Variants in TMEM266 observed in about 807,000 individuals in gnomAD.
TMEM266 encodes transmembrane protein 266, also known as Hv1 related protein 1.
In TMEM266, 33 loss-of-function variants were observed where a neutral mutation model predicts 50.5. The ratio of observed to expected loss-of-function variants is 0.65; its 90% CI spans 0.50 to 0.87. TMEM266 has a LOEUF of 0.87. Among genes scored for constraint, TMEM266 ranks in the 40% least tolerant of loss-of-function variants. TMEM266 has a pLI of 0.00. For missense variants in TMEM266, 655 were observed against 695.1 expected (o/e 0.94, Z 0.65); for synonymous variants, 310 against 292.3 (o/e 1.06, Z -0.62).
rs2038021792 is a variant in TMEM266 at position 76,161,770 on chromosome 15, C to T, written c.456+1602C>T. On this transcript the variant is annotated intron_variant, in intron 5 of 10. Coordinates refer to ENST00000388942, the MANE Select transcript of TMEM266 (RefSeq NM_152335.3). This position sits in a 1 kb window ranked among gnomAD's most constrained non-coding sequence, Gnocchi z 4.1. ...AGCAGAGTGCCTGCTCCCCAGCTTA[C>T]AGCCCCCATGTGGGTCTTGCCCTCC... Among the ~76,000 whole-genome samples the T allele has an allele frequency of 6.6e-6, 1 of 152,324 alleles. No individual in the cohort carries two copies. The highest frequency in any genetic ancestry group is 2.4e-5 in the African/African-American group (1 of 41,578).
intron 1 of TMEM266, among the ~76,000 whole-genome samples, chr15:76,107,927 G>C (rs2037109072): frequency 6.6e-6 from 1 of 152,178 alleles, no homozygotes; most frequent in African/African-American, 2.4e-5. Context: ...TTTGCTTTGG[G>C]GGGAACATTT....
At position 76,194,715 on chromosome 15, in the gene TMEM266, AC is replaced by A. The variant is rs528401269; in HGVS notation, c.958+2561del. 1.0e-3 allele frequency among the ~76,000 whole-genome samples: 159 copies of A among 152,082 alleles called. 1 individual carries two copies. Among genetic ancestry groups the A allele is most frequent in the Admixed American group, 0.01 (155 of 15,262 alleles). On this transcript the variant is annotated intron_variant, in intron 9 of 10. Coordinates refer to ENST00000388942, the MANE Select transcript of TMEM266 (RefSeq NM_152335.3). ...GGCATCCATGGCTTACAGTAGCATC[AC>A]CCTGCTCTGCCTTCATCTGCACATG...
intron 3 of TMEM266, among the ~76,000 whole-genome samples, 181 bp from the exon 4 acceptor site, chr15:76,156,423 C>T (rs2037926896): frequency 6.6e-6 from 1 of 152,174 alleles, no homozygotes; most frequent in South Asian, 2.1e-4. Context: ...GAGATATTTT[C>T]ACCCTTTATG....
chr15:76,140,749 C>T (rs959358705), intron 3 of TMEM266, among the ~76,000 whole-genome samples: 11 of 151,822 alleles, frequency 7.2e-5, no homozygotes, highest in Admixed American at 3.9e-4. Flanking sequence ...GTGACAGAGA[C>T]GGGGGCGGGG....
intron 1 of TMEM266, among the ~76,000 whole-genome samples, chr15:76,069,920 C>T (rs2036510773): frequency 6.6e-6 from 1 of 151,990 alleles, no homozygotes; most frequent in Non-Finnish European, 1.5e-5. Flanking sequence ...ATTCTCAGCT[C>T]AACTTTTATT....
chr15:76,180,548 G>A (rs1032388416), intron 8 of TMEM266, among the ~76,000 whole-genome samples: 1 of 151,736 alleles, frequency 6.6e-6, no homozygotes, highest in African/African-American at 2.4e-5. Flanking sequence ...TCACCCGGCT[G>A]GGGCAGCGTG....
intron 4 of TMEM266, among the ~76,000 whole-genome samples, chr15:76,159,073 G>A (rs936022183): frequency 3.9e-5 from 6 of 152,190 alleles, no homozygotes; most frequent in Admixed American, 2.0e-4. Flanking sequence ...GCTCACGAAG[G>A]AGGTAGAGCA....
At chr15:76,155,724 C>G (rs2037914531) in intron 3 of TMEM266, among the ~76,000 whole-genome samples, 1 of 152,184 alleles carries the variant, frequency 6.6e-6, no homozygotes, top group Non-Finnish European at 1.5e-5. Flanking sequence ...ACCATGGAAA[C>G]TTTTGCATCA....
intron 8 of TMEM266, among the ~76,000 whole-genome samples, chr15:76,188,781 C>A (rs1174834742): frequency 6.6e-6 from 1 of 152,180 alleles, no homozygotes; most frequent in Non-Finnish European, 1.5e-5. Flanking sequence ...GGGACACAGC[C>A]AAACCATATC....
At chr15:76,145,817 C>A (rs1281531505) in intron 3 of TMEM266, among the ~76,000 whole-genome samples, 1 of 152,234 alleles carries the variant, frequency 6.6e-6, no homozygotes, top group East Asian at 1.9e-4. Flanking sequence ...CATTCCAATG[C>A]AGTTGGACCA....
At chr15:76,090,439 C>T (rs2036832857) in intron 1 of TMEM266, among the ~76,000 whole-genome samples, 1 of 143,896 alleles carries the variant, frequency 6.9e-6, no homozygotes, top group Non-Finnish European at 1.5e-5. Flanking sequence ...TTGCCGTGAG[C>T]CAAGATCACA....
chr15:76,153,257 C>T lies in TMEM266; in HGVS notation c.228-3347C>T, dbSNP rs2037871418. Among the ~76,000 whole-genome samples, 1 of 152,198 alleles carries T rather than the reference C, an allele frequency of 6.6e-6. No individual in the cohort carries two copies. Among genetic ancestry groups the T allele is most frequent in the Non-Finnish European group, 1.5e-5 (1 of 68,042 alleles). ...GGGAACTGAATATATGGAACTAGTG[C>T]TCCTGAATACAATGCTTCGTTTCAT... is the stretch of plus-strand genomic sequence containing the variant. On this transcript the variant is annotated intron_variant, in intron 3 of 10. Transcript: ENST00000388942. This position sits in a 1 kb window ranked among gnomAD's most constrained non-coding sequence, Gnocchi z 4.2.
Position 76,156,685 on chromosome 15 carries a change from C to A in TMEM266, c.309C>A (p.Phe103Leu). 6.2e-7 allele frequency: 1 copy of A among 1,614,168 alleles called. No homozygotes were observed. Among genetic ancestry groups the A allele is most frequent in the Non-Finnish European group, 8.5e-7 (1 of 1,179,988 alleles). Residue 103 changes from phenylalanine (F) to leucine (L), a missense_variant, in exon 4 of 11, where the codon TTC becomes TTA. Phe to Leu is a conservative substitution (Grantham distance 22). This residue lies in a region of TMEM266 where 101 missense variants were observed against 182.6 expected (regional missense o/e 0.55). Coordinates refer to ENST00000388942, the MANE Select transcript of TMEM266 (RefSeq NM_152335.3). Reference sequence around the variant, plus strand: ...TGCTCAGTGCAAGTCTCAACAGTTTCCTGGTAGCCTGTGTAATATTGGTGG... The same window carrying A: ...TGCTCAGTGCAAGTCTCAACAGTTTACTGGTAGCCTGTGTAATATTGGTGG...
At position 76,168,167 on chromosome 15, in the gene TMEM266, C is replaced by A. The variant is rs1240150804; in HGVS notation, c.457-1649C>A. 1.3e-5 allele frequency among the ~76,000 whole-genome samples: 2 copies of A among 152,170 alleles called. No individual in the cohort carries two copies. Among genetic ancestry groups the A allele is most frequent in the East Asian group, 1.9e-4 (1 of 5,186 alleles). Reference sequence around the variant, plus strand: ...GCCACCCCACCCAGATCTCTCCCCACCCCTGCAAGCTGTCTCGCAGTTAAG... The same window carrying A: ...GCCACCCCACCCAGATCTCTCCCCAACCCTGCAAGCTGTCTCGCAGTTAAG... On this transcript the variant is annotated intron_variant, in intron 5 of 10. Transcript: ENST00000388942. The surrounding 1 kb of genome is among the most constrained non-coding windows in gnomAD (Gnocchi z 4.4).
intron 1 of TMEM266, among the ~76,000 whole-genome samples, chr15:76,120,866 A>G (rs2037332889): frequency 6.6e-6 from 1 of 152,104 alleles, no homozygotes; most frequent in Non-Finnish European, 1.5e-5. Flanking sequence ...TGAGGCAGGT[A>G]ATGTGGGGGA....
At chr15:76,109,057 C>T (rs151019813) in intron 1 of TMEM266, 5 of 152,274 alleles carry the variant, frequency 3.3e-5, no homozygotes, top group African/African-American at 1.2e-4. Flanking sequence ...GTGGAAAGCA[C>T]ATTACCTGGG....
At chr15:76,077,414 C>T (rs2036622475) in intron 1 of TMEM266, among the ~76,000 whole-genome samples, 2 of 152,082 alleles carry the variant, frequency 1.3e-5, no homozygotes. Context: ...TCCCAGTCCT[C>T]AAAATCCACA....
rs200133901 is a variant in TMEM266, at chr15:76,169,828, A to G, written c.469A>G (p.Ile157Val). Residue 157 changes from isoleucine (I) to valine (V), a missense_variant, in exon 6 of 11, where the codon ATT (isoleucine) becomes GTT (valine). Around this residue, in one of 3 missense-constraint regions of TMEM266, gnomAD observed 101 missense variants for 182.6 expected, o/e 0.55. Coordinates refer to ENST00000388942, the MANE Select transcript of TMEM266 (RefSeq NM_152335.3). ...TTCCTTTCCTCAGACTGTTCTACGG[A>G]TTGTGGTGCTTGGGATCTGGGATTA... The G allele has an allele frequency of 3.5e-5, 56 of 1,613,834 alleles. No homozygotes were observed. The highest frequency in any genetic ancestry group is 1.0e-5 in the Non-Finnish European group (12 of 1,179,926).
At chr15:76,104,359 G>T (rs1016108665) in intron 1 of TMEM266, among the ~76,000 whole-genome samples, 2 of 152,270 alleles carry the variant, frequency 1.3e-5, no homozygotes, top group East Asian at 3.9e-4. Flanking sequence ...CACAAGCCAC[G>T]TTTCACATTT....
Sources: gnomAD v4.1 joint callset for allele counts (sites outside exome capture counted in the v4.1 genomes callset) on GRCh38, gnomAD v4.1.1 for gene constraint, gnomAD v4.1.1 regional missense constraint, Gnocchi (gnomAD v3.1) non-coding constraint, MANE v1.5 for transcripts, NCBI Gene and HGNC (gene_info 2026-07-23, HGNC 2026-07-21) for gene names.